CNTN5: variants seen among roughly 807,000 people sequenced by gnomAD.
The protein encoded by CNTN5 is contactin-5.
Under a neutral mutation model 129.1 loss-of-function variants are expected in CNTN5, and 77 were observed. The observed-to-expected ratio is 0.60, with a 90% confidence interval of 0.50 to 0.72. The LOEUF is 0.72. Among genes scored for constraint, CNTN5 ranks in the 30% least tolerant of loss-of-function variants. The probability of loss-of-function intolerance (pLI) is 0.00; values close to 1 mark genes in which losing one functional copy is unlikely to be tolerated. For missense variants in CNTN5, 1,478 were observed against 1,328.8 expected (o/e 1.11, Z -1.75); for synonymous variants, 509 against 465.6 (o/e 1.09, Z -1.20).
chr11:99,339,665 C>T (rs1866418796), intron 2 of CNTN5, among the ~76,000 whole-genome samples: 1 of 151,990 alleles, frequency 6.6e-6, no homozygotes, highest in Non-Finnish European at 1.5e-5. Flanking sequence ...GCCTGTAGTC[C>T]CATCTACTAG....
At chr11:99,832,439 TTTAAC>T (rs895373350) in intron 4 of CNTN5, among the ~76,000 whole-genome samples, 1 of 137,020 alleles carries the variant, frequency 7.3e-6, no homozygotes, top group Non-Finnish European at 1.7e-5. Flanking sequence ...CCTATTAGAC[TTTAAC>T]TTATGTTGTG....
At chr11:99,496,086 T>C (rs1946213231) in intron 2 of CNTN5, among the ~76,000 whole-genome samples, 1 of 152,188 alleles carries the variant, frequency 6.6e-6, no homozygotes, top group African/African-American at 2.4e-5. Context: ...GTTGAGTATC[T>C]TAGAGTACAA....
At chr11:99,592,583 A>G (rs1950011554) in intron 3 of CNTN5, among the ~76,000 whole-genome samples, 1 of 152,174 alleles carries the variant, frequency 6.6e-6, no homozygotes, top group Non-Finnish European at 1.5e-5. Flanking sequence ...CATCATGAGT[A>G]GAGAAAATTC....
chr11:99,360,305 T>C (rs1438823938), intron 2 of CNTN5, among the ~76,000 whole-genome samples: 1 of 152,136 alleles, frequency 6.6e-6, no homozygotes, highest in East Asian at 1.9e-4. Context: ...GCATATTAGC[T>C]TCTCTAATGT....
intron 2 of CNTN5, among the ~76,000 whole-genome samples, chr11:99,534,164 T>G (rs1295731707): frequency 6.6e-6 from 1 of 152,230 alleles, no homozygotes; most frequent in Admixed American, 6.5e-5. Flanking sequence ...AAATGAGATG[T>G]TGCAATAAAT....
At chr11:99,871,793 G>A (rs1468155116) in intron 6 of CNTN5, among the ~76,000 whole-genome samples, 1 of 151,884 alleles carries the variant, frequency 6.6e-6, no homozygotes, top group East Asian at 1.9e-4. Flanking sequence ...ATGCCTGATG[G>A]TACAATGTTT....
rs34622017 is a variant in CNTN5, at chr11:99,792,573, G to GTGTGTGTGTGTCTGTC, written c.56-26968_56-26967insGTGTGTGTCTGTCTGT. The stretch of plus-strand genomic sequence containing the variant: ...TGTGTGTGTGTGTGTGTGTGTGTGT[G>GTGTGTGTGTGTCTGTC]TGTCTGTCTGTCTGTCTGTCTGTCT... On this transcript the variant is annotated intron_variant, in intron 3 of 24. Transcript: ENST00000524871. 3.0e-3 allele frequency among the ~76,000 whole-genome samples: 354 copies of GTGTGTGTGTGTCTGTC among 116,666 alleles called. 1 individual carries two copies. The highest frequency in any genetic ancestry group is 0.011 in the African/African-American group (305 of 27,260). The allele number at this position is 116,666 out of a possible 152,430, so 76.5% of individuals were successfully genotyped here.
chr11:100,098,665 G>A (rs1945104431), intron 13 of CNTN5, among the ~76,000 whole-genome samples: 1 of 152,038 alleles, frequency 6.6e-6, no homozygotes, highest in Admixed American at 6.6e-5. Context: ...CTAAAGCTGA[G>A]TGGTTTCTAA....
At chr11:99,817,345 GC>G (rs1946621298) in intron 3 of CNTN5, among the ~76,000 whole-genome samples, 1 of 152,196 alleles carries the variant, frequency 6.6e-6, no homozygotes, top group South Asian at 2.1e-4. Flanking sequence ...GGAAGACCTG[GC>G]GTAGTGCGCT....
chr11:99,557,816 T>C (rs536684510), intron 3 of CNTN5, among the ~76,000 whole-genome samples: 1 of 151,866 alleles, frequency 6.6e-6, no homozygotes, highest in African/African-American at 2.4e-5. Flanking sequence ...AAATTTAGTA[T>C]TTCAGTTATA....
chr11:100,081,401 G>A (rs1220734127), intron 13 of CNTN5, among the ~76,000 whole-genome samples: 2 of 152,118 alleles, frequency 1.3e-5, no homozygotes, highest in African/African-American at 2.4e-5. Context: ...AACCAGCAGA[G>A]GAAAAATTTT....
At chr11:99,162,093 T>G (rs914796674) in intron 1 of CNTN5, among the ~76,000 whole-genome samples, 12 of 151,932 alleles carry the variant, frequency 7.9e-5, no homozygotes. Flanking sequence ...TAGAACCTCC[T>G]TTTTTTTTCC....
intron 2 of CNTN5, among the ~76,000 whole-genome samples, chr11:99,423,527 TA>T (rs1241346714): frequency 2.0e-5 from 3 of 152,228 alleles, no homozygotes; most frequent in African/African-American, 7.2e-5. Flanking sequence ...AAGGTAAACT[TA>T]CTAACAAAAT....
At chr11:99,201,022 CT>C (rs755605041) in intron 1 of CNTN5, among the ~76,000 whole-genome samples, 10,385 of 82,854 alleles carry the variant, frequency 0.13, 448 homozygotes, top group Middle Eastern at 0.2. Flanking sequence ...TCCTTCCTTC[CT>C]TTTTTTTTTT....
At chr11:100,126,462 G>T (rs1004275631) in intron 13 of CNTN5, among the ~76,000 whole-genome samples, 1 of 152,054 alleles carries the variant, frequency 6.6e-6, no homozygotes. Context: ...GAATCTGGGT[G>T]CTCAGGTTCA....
chr11:99,984,826 T>C (rs1938570642), intron 8 of CNTN5, among the ~76,000 whole-genome samples: 1 of 152,122 alleles, frequency 6.6e-6, no homozygotes. Flanking sequence ...ACTAGAACAT[T>C]GGAGCTGATG....
At chr11:99,878,894 C>T (rs1208323035) in intron 6 of CNTN5, among the ~76,000 whole-genome samples, 1 of 152,034 alleles carries the variant, frequency 6.6e-6, no homozygotes, top group Non-Finnish European at 1.5e-5. Context: ...AAAGATGATA[C>T]TCCCAAAAGG....
intron 7 of CNTN5, among the ~76,000 whole-genome samples, chr11:99,948,606 CT>C (rs1283982994): frequency 6.6e-6 from 1 of 152,170 alleles, no homozygotes; most frequent in Non-Finnish European, 1.5e-5. Flanking sequence ...TTCCTTTTCT[CT>C]TTTCAAATAA....
chr11:99,318,610 A>G (rs1335875619), intron 1 of CNTN5, among the ~76,000 whole-genome samples: 2 of 152,032 alleles, frequency 1.3e-5, no homozygotes, highest in East Asian at 1.9e-4. Flanking sequence ...CAAAACATCT[A>G]CAGGGAAGTC....
Sources: gnomAD v4.1 joint callset for allele counts (sites outside exome capture counted in the v4.1 genomes callset) on GRCh38, gnomAD v4.1.1 for gene constraint, MANE v1.5 for transcripts, NCBI Gene and HGNC (gene_info 2026-07-23, HGNC 2026-07-21) for gene names.